The following HMGCLL1 variants were observed in gnomAD, a reference collection of about 807,000 sequenced individuals.
HMGCLL1 encodes 3-hydroxymethyl-3-methylglutaryl-CoA lyase, cytoplasmic.
Under a neutral mutation model 39.1 loss-of-function variants are expected in HMGCLL1, and 36 were observed. The ratio of observed to expected loss-of-function variants is 0.92; its 90% CI spans 0.71 to 1.22. HMGCLL1 has a LOEUF of 1.22. Among genes scored for constraint, HMGCLL1 ranks in the 50% most tolerant of loss-of-function variants. The pLI, the probability that HMGCLL1 is intolerant of heterozygous loss-of-function variation, is 0.00. For missense variants in HMGCLL1, 451 were observed against 416.5 expected, an observed-to-expected ratio of 1.08 and a Z score of -0.72; for synonymous variants, 149 against 144.0, an observed-to-expected ratio of 1.03 and a Z score of -0.25.
intron 7 of HMGCLL1, among the ~76,000 whole-genome samples, chr6:55,475,846 T>A (rs2127406806): frequency 6.6e-6 from 1 of 151,772 alleles, no homozygotes; most frequent in African/African-American, 2.4e-5. Context: ...ATTGAAAAGA[T>A]CATGCTTTTC....
the HMGCLL1 span, among the ~76,000 whole-genome samples, chr6:55,667,299 CTA>C: frequency 6.6e-6 from 1 of 151,698 alleles, no homozygotes; most frequent in Admixed American, 6.6e-5. Flanking sequence ...ATAAATGACT[CTA>C]TTTTATTGAC....
At chr6:55,635,348 T>A in the HMGCLL1 span, among the ~76,000 whole-genome samples, 1 of 151,984 alleles carries the variant, frequency 6.6e-6, no homozygotes, top group Non-Finnish European at 1.5e-5. Context: ...ACCCTTAGTA[T>A]GAAACATTGC....
chr6:55,637,968 C>A, the HMGCLL1 span, among the ~76,000 whole-genome samples: 2 of 152,004 alleles, frequency 1.3e-5, no homozygotes, highest in Admixed American at 6.6e-5. Context: ...ATATTACTGT[C>A]AAATGTTGAA....
intron 3 of HMGCLL1, among the ~76,000 whole-genome samples, 172 bp from the exon 4 acceptor site, chr6:55,516,775 C>T (rs972835811): frequency 6.6e-5 from 10 of 151,916 alleles, no homozygotes; most frequent in African/African-American, 1.9e-4. Flanking sequence ...GTCTCATAGA[C>T]TTATAATAAG....
chr6:55,630,091 AC>A, the HMGCLL1 span, among the ~76,000 whole-genome samples: 1 of 152,100 alleles, frequency 6.6e-6, no homozygotes, highest in African/African-American at 2.4e-5. Context: ...TGCACCATGC[AC>A]CTGGAAAAGC....
intron 1 of HMGCLL1, among the ~76,000 whole-genome samples, chr6:55,568,652 G>A (rs1771328800): frequency 1.3e-5 from 2 of 152,118 alleles, no homozygotes; most frequent in African/African-American, 2.4e-5. Flanking sequence ...GGGAAACTGG[G>A]ATTCTAAACT....
intron 6 of HMGCLL1, among the ~76,000 whole-genome samples, chr6:55,498,175 T>C (rs1766684874): frequency 6.6e-6 from 1 of 152,148 alleles, no homozygotes; most frequent in Non-Finnish European, 1.5e-5. Flanking sequence ...GCAAGTCTGC[T>C]GGTAAGCAAA....
chr6:55,578,494 C>T (rs763458042), intron 1 of HMGCLL1, among the ~76,000 whole-genome samples: 1 of 152,180 alleles, frequency 6.6e-6, no homozygotes, highest in African/African-American at 2.4e-5. Context: ...TGGATTATTT[C>T]ATCCTACTAT....
chr6:55,601,204 T>G, the HMGCLL1 span, among the ~76,000 whole-genome samples: 2 of 152,222 alleles, frequency 1.3e-5, no homozygotes, highest in Non-Finnish European at 2.9e-5. Flanking sequence ...GTCAATTGGA[T>G]GGTGCTGCTC....
the HMGCLL1 span, among the ~76,000 whole-genome samples, chr6:55,646,003 G>C: frequency 6.6e-6 from 1 of 151,954 alleles, no homozygotes; most frequent in South Asian, 2.1e-4. Context: ...ATAGAAATCA[G>C]CAGCAAAGCC....
chr6:55,526,861 G>T (rs191483923), intron 3 of HMGCLL1, among the ~76,000 whole-genome samples: 1 of 152,140 alleles, frequency 6.6e-6, no homozygotes, highest in East Asian at 1.9e-4. Flanking sequence ...TATTGAAGTA[G>T]GAGCAGAGGG....
At chr6:55,602,423 T>G in the HMGCLL1 span, among the ~76,000 whole-genome samples, 65 of 152,234 alleles carry the variant, frequency 4.3e-4, no homozygotes, top group African/African-American at 1.5e-3. Flanking sequence ...ATTTCATACA[T>G]TCTCTTGACT....
At chr6:55,609,991 C>G in the HMGCLL1 span, among the ~76,000 whole-genome samples, 1 of 152,112 alleles carries the variant, frequency 6.6e-6, no homozygotes, top group Non-Finnish European at 1.5e-5. Flanking sequence ...ACAACAGCAT[C>G]AACCAAAAAA....
chr6:55,521,184 T>C (rs917990318), intron 3 of HMGCLL1, among the ~76,000 whole-genome samples: 1 of 152,104 alleles, frequency 6.6e-6, no homozygotes, highest in African/African-American at 2.4e-5. Context: ...ACAATGGCAA[T>C]GGCTAAAATA....
intron 7 of HMGCLL1, among the ~76,000 whole-genome samples, chr6:55,479,273 A>T (rs186568614): frequency 6.6e-6 from 1 of 151,700 alleles, no homozygotes; most frequent in African/African-American, 2.4e-5. Flanking sequence ...GTATCTGCTG[A>T]GAACAATTTT....
At chr6:55,603,264 T>C in the HMGCLL1 span, among the ~76,000 whole-genome samples, 1 of 152,140 alleles carries the variant, frequency 6.6e-6, no homozygotes, top group Non-Finnish European at 1.5e-5. Flanking sequence ...CTTTTCCTTA[T>C]AGCAGGTTGA....
At chr6:55,606,993 A>G in the HMGCLL1 span, among the ~76,000 whole-genome samples, 1 of 152,186 alleles carries the variant, frequency 6.6e-6, no homozygotes, top group East Asian at 1.9e-4. Flanking sequence ...TCAATTTCTA[A>G]CTTCTAGAAT....
chr6:55,675,748 G>A, the HMGCLL1 span, among the ~76,000 whole-genome samples: 1 of 152,044 alleles, frequency 6.6e-6, no homozygotes, highest in Admixed American at 6.6e-5. Flanking sequence ...ATCACTCTTT[G>A]TGTGTGTGTG....
chr6:55,631,518 T>C, the HMGCLL1 span, among the ~76,000 whole-genome samples: 1 of 152,062 alleles, frequency 6.6e-6, no homozygotes, highest in Non-Finnish European at 1.5e-5. Flanking sequence ...TCAGAAACAA[T>C]GCAGTCCCAG....
Sources: gnomAD v4.1 joint callset for allele counts (sites outside exome capture counted in the v4.1 genomes callset) on GRCh38, gnomAD v4.1.1 for gene constraint, MANE v1.5 for transcripts, NCBI Gene and HGNC (gene_info 2026-07-23, HGNC 2026-07-21) for gene names.